Variants in NEBL observed in about 807,000 individuals in gnomAD.
NEBL encodes the protein nebulette.
Under a neutral mutation model 140.2 loss-of-function variants are expected in NEBL, and 122 were observed. The ratio of observed to expected loss-of-function variants is 0.87; its 90% confidence interval spans 0.75 to 1.01. NEBL has a LOEUF of 1.01. Ranked by LOEUF, NEBL falls within the 50% of genes least tolerant of loss-of-function variation. The probability of loss-of-function intolerance (pLI) is 0.00; values close to 1 mark genes in which losing one functional copy is unlikely to be tolerated. For missense variants in NEBL, 1,365 were observed against 1,231.3 expected (o/e 1.11, Z -1.62); for synonymous variants, 436 against 398.9 (o/e 1.09, Z -1.11).
chr10:20,990,878 C>A (rs73607568), intron 3 of NEBL, among the ~76,000 whole-genome samples: 1 of 152,146 alleles, frequency 6.6e-6, no homozygotes, highest in East Asian at 1.9e-4. Context: ...TTTCTCATTA[C>A]CAATCTGACT....
intron 2 of NEBL, chr10:21,146,645 C>T (rs1839908215): frequency 9.5e-6 from 6 of 629,822 alleles, no homozygotes; most frequent in Non-Finnish European, 1.6e-5. Context: ...GATTTGTTGA[C>T]TGATTATGAG....
At chr10:21,018,106 G>C (rs1838632546) in intron 3 of NEBL, among the ~76,000 whole-genome samples, 1 of 152,096 alleles carries the variant, frequency 6.6e-6, no homozygotes, top group African/African-American at 2.4e-5. Flanking sequence ...ACAGGCATGA[G>C]CCCCCGTGCC....
intron 2 of NEBL, among the ~76,000 whole-genome samples, chr10:21,080,297 C>G (rs1421365684): frequency 6.6e-6 from 1 of 152,208 alleles, no homozygotes; most frequent in Non-Finnish European, 1.5e-5. Flanking sequence ...GCTCAAAACT[C>G]TGTGAAAATT....
chr10:20,939,587 T>C (rs1362839972), intron 4 of NEBL, among the ~76,000 whole-genome samples: 2 of 152,202 alleles, frequency 1.3e-5, no homozygotes, highest in African/African-American at 4.8e-5. Flanking sequence ...CATAACAATA[T>C]TAACCTTAAA....
At chr10:21,166,061 A>T (rs1840747357) in intron 2 of NEBL, among the ~76,000 whole-genome samples, 1 of 136,488 alleles carries the variant, frequency 7.3e-6, no homozygotes, top group African/African-American at 3.2e-5. Flanking sequence ...TCTACTAAAA[A>T]TACAAAAAAT....
intron 4 of NEBL, among the ~76,000 whole-genome samples, chr10:20,907,224 T>G (rs1848130087): frequency 6.6e-6 from 1 of 152,168 alleles, no homozygotes; most frequent in African/African-American, 2.4e-5. Flanking sequence ...ACAACCTGAT[T>G]TTAATTTCCA....
At chr10:21,288,191 C>T (rs181167294) in intron 1 of NEBL, among the ~76,000 whole-genome samples, 19 of 152,340 alleles carry the variant, frequency 1.2e-4, no homozygotes, top group African/African-American at 3.6e-4. Flanking sequence ...TGCTGCCAGC[C>T]GGGCATGGTG....
intron 3 of NEBL, among the ~76,000 whole-genome samples, chr10:21,196,133 A>G (rs2132221628): frequency 6.6e-6 from 1 of 151,970 alleles, no homozygotes; most frequent in South Asian, 2.1e-4. Flanking sequence ...CCTCCTGAGT[A>G]GCTGGGATTA....
At chr10:21,230,856 C>T (rs117157122) in intron 3 of NEBL, among the ~76,000 whole-genome samples, 5,970 of 152,180 alleles carry the variant, frequency 0.039, 185 homozygotes, top group South Asian at 0.14. Flanking sequence ...CCACTGTCCT[C>T]GGCCTCCCAA....
chr10:21,088,475 T>C (rs1836754020), intron 2 of NEBL, among the ~76,000 whole-genome samples: 1 of 152,136 alleles, frequency 6.6e-6, no homozygotes, highest in Admixed American at 6.5e-5. Context: ...CACGGTGAGA[T>C]TCTGTCTCTT....
intron 3 of NEBL, among the ~76,000 whole-genome samples, chr10:20,975,030 TTG>T (rs1048619889): frequency 1.3e-5 from 2 of 152,172 alleles, no homozygotes; most frequent in Non-Finnish European, 1.5e-5. Context: ...ACAATTATAT[TTG>T]TCCTTTGCTG....
intron 21 of NEBL, among the ~76,000 whole-genome samples, chr10:20,817,054 A>G (rs549684287): frequency 9.9e-5 from 15 of 152,240 alleles, no homozygotes; most frequent in Admixed American, 9.8e-4. Flanking sequence ...CATCAGCTAG[A>G]TGACAAGATA....
At chr10:20,998,526 T>C (rs910820981) in intron 3 of NEBL, among the ~76,000 whole-genome samples, 4 of 152,078 alleles carry the variant, frequency 2.6e-5, no homozygotes, top group African/African-American at 9.7e-5. Context: ...TTAGAAACCA[T>C]GGCTCCTGGC....
At chr10:21,056,810 A>G (rs2131866399) in intron 2 of NEBL, among the ~76,000 whole-genome samples, 1 of 152,340 alleles carries the variant, frequency 6.6e-6, no homozygotes, top group South Asian at 2.1e-4. Flanking sequence ...CTATAAAAGA[A>G]AGCAAGGAAA....
chr10:21,206,929 A>G (rs1178002527), intron 3 of NEBL, among the ~76,000 whole-genome samples: 4 of 146,014 alleles, frequency 2.7e-5, no homozygotes, highest in Non-Finnish European at 6.0e-5. Context: ...TGGGGATCCT[A>G]TCTTAAGCAA....
chr10:21,019,287 A>G (rs1181893473), intron 3 of NEBL, among the ~76,000 whole-genome samples: 1 of 152,234 alleles, frequency 6.6e-6, no homozygotes, highest in Non-Finnish European at 1.5e-5. Context: ...GTCTCACTGC[A>G]CGTTAGTGCA....
intron 2 of NEBL, among the ~76,000 whole-genome samples, chr10:21,125,525 C>G (rs1481253184): frequency 6.6e-6 from 1 of 152,006 alleles, no homozygotes; most frequent in Non-Finnish European, 1.5e-5. Flanking sequence ...AATAAAGCCT[C>G]AAAGTAAGAG....
chr10:20,893,649 C>T (rs1847214525), intron 2 of NEBL, among the ~76,000 whole-genome samples: 1 of 152,086 alleles, frequency 6.6e-6, no homozygotes, highest in Admixed American at 6.5e-5. Flanking sequence ...GCCAATCTTG[C>T]TTAACATTTC....
intron 4 of NEBL, among the ~76,000 whole-genome samples, chr10:20,915,484 C>T (rs183957730): frequency 2.8e-4 from 43 of 151,294 alleles, no homozygotes; most frequent in African/African-American, 1.0e-3. Flanking sequence ...CAATTCCCAC[C>T]TATGAGTGAG....
Sources: gnomAD v4.1 joint callset for allele counts (sites outside exome capture counted in the v4.1 genomes callset) on GRCh38, gnomAD v4.1.1 for gene constraint, MANE v1.5 for transcripts, NCBI Gene and HGNC (gene_info 2026-07-23, HGNC 2026-07-21) for gene names.